The following SPAG16 variants were observed in gnomAD, a reference collection of about 807,000 sequenced individuals.
The protein encoded by SPAG16 is sperm associated antigen 16, also known as sperm-associated antigen 16 protein.
SPAG16 carries 86 observed loss-of-function variants against 80.4 expected under a neutral mutation model. The ratio of observed to expected loss-of-function variants is 1.07; its 90% CI spans 0.90 to 1.28. The LOEUF (loss-of-function observed/expected upper bound fraction) is 1.28, where lower values mean the gene tolerates loss of function less well. Ranked by LOEUF, SPAG16 falls within the 50% of genes most tolerant of loss-of-function variation. The probability of loss-of-function intolerance (pLI) is 0.00; values close to 1 mark genes in which losing one functional copy is unlikely to be tolerated. For synonymous variants in SPAG16, 294 were observed against 265.9 expected, an observed-to-expected ratio of 1.11 and a Z score of -1.03; for missense variants, 870 against 765.3, an observed-to-expected ratio of 1.14 and a Z score of -1.61.
intron 10 of SPAG16, among the ~76,000 whole-genome samples, chr2:213,513,773 G>A (rs1457676876): frequency 6.6e-6 from 1 of 152,052 alleles, no homozygotes; most frequent in Non-Finnish European, 1.5e-5. Context: ...TTATGAGGTG[G>A]CTGCTTGCTG....
intron 10 of SPAG16, among the ~76,000 whole-genome samples, chr2:213,580,696 T>C (rs1178443413): frequency 6.6e-6 from 1 of 152,162 alleles, no homozygotes; most frequent in African/African-American, 2.4e-5. Flanking sequence ...TTGTCTTAAC[T>C]TGTCTCTTAC....
intron 10 of SPAG16, among the ~76,000 whole-genome samples, chr2:213,857,874 A>G (rs7424714): frequency 0.34 from 52,312 of 152,074 alleles, 9,458 homozygotes; most frequent in South Asian, 0.47. Context: ...AGAAGTTTGA[A>G]AGAAGTTGAT....
chr2:213,526,104 G>T (rs749614518), intron 10 of SPAG16, among the ~76,000 whole-genome samples: 1 of 151,666 alleles, frequency 6.6e-6, no homozygotes, highest in Admixed American at 6.6e-5. Context: ...TCTTAATATC[G>T]GTATCTTAAC....
At chr2:213,700,802 A>T (rs930732288) in intron 10 of SPAG16, among the ~76,000 whole-genome samples, 4 of 152,184 alleles carry the variant, frequency 2.6e-5, no homozygotes, top group Admixed American at 1.3e-4. Flanking sequence ...TATTTCTTTT[A>T]TAAGGTTTCC....
chr2:214,005,835 T>C lies in SPAG16; in HGVS notation c.1401-8116T>C, dbSNP rs370467585. On this transcript the variant is annotated intron_variant, in intron 12 of 15. Coordinates refer to ENST00000331683, the MANE Select transcript of SPAG16 (RefSeq NM_024532.5). ...TCTTGTGAATTTTAAAAATAGCTTA[T>C]ATATAAACCTTTACAGAAAACTAGG... 2.6e-5 allele frequency among the ~76,000 whole-genome samples: 4 copies of C among 152,232 alleles called. No individual in the cohort carries two copies. In the South Asian group the frequency reaches 8.3e-4, roughly 31 times the overall value.
intron 15 of SPAG16, among the ~76,000 whole-genome samples, chr2:214,355,159 A>G (rs922386485): frequency 2.7e-5 from 4 of 150,816 alleles, no homozygotes; most frequent in African/African-American, 4.9e-5. Context: ...ACAAAAGCCA[A>G]AATTGACAAA....
chr2:214,104,622 GGTTT>G (rs1393106744), intron 13 of SPAG16, among the ~76,000 whole-genome samples: 2 of 152,010 alleles, frequency 1.3e-5, no homozygotes, highest in Non-Finnish European at 2.9e-5. Flanking sequence ...TGGTTGCCTT[GGTTT>G]GTTTGTTTGA....
chr2:213,862,488 C>G lies in SPAG16; in HGVS notation c.1074C>G (p.Val358=), dbSNP rs746070922. 2 of 1,613,944 alleles carry G rather than the reference C, an allele frequency of 1.2e-6. No individual in the cohort carries two copies. The highest frequency in any genetic ancestry group is 8.5e-7 in the Non-Finnish European group (1 of 1,179,834). ...TTTTTTCTTTCTCCTCGCGCAGTGT[C>G]TCCATGCAACCCCACAAAGACATCC... ...FRLHELPVSC[V]SMQPHKDILV... The change falls in exon 11 of 16, where the codon GTC becomes GTG. Residue 358 remains valine (V), a synonymous_variant. Transcript: ENST00000331683.
intron 12 of SPAG16, among the ~76,000 whole-genome samples, chr2:214,002,201 GA>G (rs2046823080): frequency 6.6e-6 from 1 of 152,128 alleles, no homozygotes. Context: ...TTTGGGTGGG[GA>G]CACAGCCAAA....
At chr2:213,403,354 A>C (rs1430408175) in intron 9 of SPAG16, among the ~76,000 whole-genome samples, 2 of 152,066 alleles carry the variant, frequency 1.3e-5, no homozygotes, top group Non-Finnish European at 2.9e-5. Context: ...TAGGTTGCAA[A>C]AATTTTCTCC....
At chr2:214,317,346 A>G (rs554833339) in intron 15 of SPAG16, among the ~76,000 whole-genome samples, 1 of 152,316 alleles carries the variant, frequency 6.6e-6, no homozygotes, top group East Asian at 1.9e-4. Context: ...AAATAATTTG[A>G]GCACATACTC....
intron 10 of SPAG16, among the ~76,000 whole-genome samples, chr2:213,845,199 CTT>C (rs10547272): frequency 0.53 from 69,132 of 130,652 alleles, 17,238 homozygotes; most frequent in Middle Eastern, 0.61. Context: ...ATCTAGTGTT[CTT>C]TTTTTTTTTT....
At chr2:213,408,663 C>T (rs563611068) in intron 9 of SPAG16, among the ~76,000 whole-genome samples, 10 of 152,226 alleles carry the variant, frequency 6.6e-5, no homozygotes, top group South Asian at 6.2e-4. Flanking sequence ...TGTTTCTTCC[C>T]GGGTGAATGA....
intron 15 of SPAG16, among the ~76,000 whole-genome samples, chr2:214,195,303 T>TAGATAGATAGATA (rs140238900): frequency 6.8e-6 from 1 of 146,662 alleles, no homozygotes; most frequent in African/African-American, 2.5e-5. Context: ...AGATGAGAGA[T>TAGATAGATAGATA]GATAGATAGA....
Position 213,853,878 on chromosome 2 carries a change from G to A in SPAG16, c.1071-8607G>A, listed in dbSNP as rs562056710. Among the ~76,000 whole-genome samples the A allele has an allele frequency of 2.2e-4, 33 of 152,238 alleles. No individual in the cohort carries two copies. In the South Asian group the frequency reaches 4.6e-3, roughly 21 times the overall value. ...GGTTACAAGAGGGAGACCTATTTGT[G>A]GACAAAGCTTGAGGAGGGGTATCCT... On this transcript the variant is annotated intron_variant, in intron 10 of 15. Transcript: ENST00000331683.
intron 9 of SPAG16, chr2:213,396,545 C>T: frequency 2.5e-6 from 1 of 392,262 alleles, no homozygotes; most frequent in Non-Finnish European, 5.2e-6. Flanking sequence ...CTTATGAGCT[C>T]AGTGCGAGAA....
chr2:214,363,961 C>A (rs1192716736), intron 15 of SPAG16, among the ~76,000 whole-genome samples: 1 of 152,086 alleles, frequency 6.6e-6, no homozygotes, highest in Non-Finnish European at 1.5e-5. Context: ...CCTCTCTCAA[C>A]TCTATTTTGT....
chr2:213,814,112 T>C (rs914168814), intron 10 of SPAG16, among the ~76,000 whole-genome samples: 1 of 152,132 alleles, frequency 6.6e-6, no homozygotes, highest in Non-Finnish European at 1.5e-5. Context: ...ATGGGAACAG[T>C]CCTAAATTTG....
intron 9 of SPAG16, among the ~76,000 whole-genome samples, chr2:213,448,439 A>G (rs2071481019): frequency 6.6e-6 from 1 of 152,194 alleles, no homozygotes; most frequent in South Asian, 2.1e-4. Flanking sequence ...AAACCCCACG[A>G]TTTGGATTAA....
Sources: gnomAD v4.1 joint callset for allele counts (sites outside exome capture counted in the v4.1 genomes callset) on GRCh38, gnomAD v4.1.1 for gene constraint, MANE v1.5 for transcripts, NCBI Gene and HGNC (gene_info 2026-07-23, HGNC 2026-07-21) for gene names.